Variants in UGT1A6 observed in about 807,000 individuals in gnomAD.
UGT1A6 encodes UDP glucuronosyltransferase family 1 member A6.
In UGT1A6, 32 loss-of-function variants were observed where a neutral mutation model predicts 44.4. That is an observed-to-expected ratio of 0.72 (90% CI 0.54 to 0.97). UGT1A6 has a LOEUF of 0.97. Ranked by LOEUF, UGT1A6 falls within the 50% of genes least tolerant of loss-of-function variation. The pLI, the probability that UGT1A6 is intolerant of heterozygous loss-of-function variation, is 0.00. For missense variants in UGT1A6, 685 were observed against 661.9 expected (o/e 1.03, Z -0.38); for synonymous variants, 238 against 248.5 (o/e 0.96, Z 0.40).
intron 1 of UGT1A6, chr2:233,730,090 C>G: frequency 6.3e-7 from 1 of 1,596,074 alleles, no homozygotes; most frequent in Admixed American, 1.7e-5. Flanking sequence ...ACTTATCTTT[C>G]CAAATATTTC....
intron 1 of UGT1A6, among the ~76,000 whole-genome samples, chr2:233,758,422 T>G (rs1696873705): frequency 6.6e-6 from 1 of 152,238 alleles, no homozygotes; most frequent in South Asian, 2.1e-4. Flanking sequence ...AATCTGCAAA[T>G]GAACTCACAC....
At chr2:233,696,389 A>G (rs1016787235) in intron 1 of UGT1A6, among the ~76,000 whole-genome samples, 3 of 152,108 alleles carry the variant, frequency 2.0e-5, no homozygotes, top group African/African-American at 7.2e-5. Context: ...TATTCTTTGT[A>G]CGTTTTGTAA....
Position 233,693,089 on chromosome 2 carries a change from C to CACTTTGGGGCA in UGT1A6, c.85_86insACTTTGGGGCA (p.Leu29HisfsTer18). ...TTGGGGCATGGTTGTAGGTGACAAG[C>CACTTTGGGGCA]TGCTGGTGGTCCCTCAGGACGGAAG... On this transcript the variant is annotated frameshift_variant, in exon 1 of 5. Transcript: ENST00000305139. LOFTEE classifies it high-confidence loss of function. 2 of 1,614,140 alleles carry CACTTTGGGGCA rather than the reference C, an allele frequency of 1.2e-6. No individual in the cohort carries two copies. The highest frequency in any genetic ancestry group is 1.7e-6 in the Non-Finnish European group (2 of 1,180,036).
At chr2:233,699,889 A>G (rs1435018489) in intron 1 of UGT1A6, among the ~76,000 whole-genome samples, 1 of 152,154 alleles carries the variant, frequency 6.6e-6, no homozygotes, top group Non-Finnish European at 1.5e-5. Context: ...GCAATTGGAG[A>G]GGCGAAATAG....
chr2:233,767,299 C>A (rs1479626764), intron 2 of UGT1A6, 134 bp downstream of exon 2: 17 of 1,540,620 alleles, frequency 1.1e-5, no homozygotes, highest in Non-Finnish European at 1.3e-5. Flanking sequence ...AACTATTAAT[C>A]CAAAGGTTTT....
chr2:233,732,853 A>T (rs1238557082), intron 1 of UGT1A6, among the ~76,000 whole-genome samples: 1 of 149,098 alleles, frequency 6.7e-6, no homozygotes, highest in Admixed American at 6.8e-5. Flanking sequence ...TTGTGAAGTC[A>T]TTGGTAGCTT....
intron 1 of UGT1A6, chr2:233,719,249 T>C: frequency 1.2e-6 from 2 of 1,614,200 alleles, no homozygotes; most frequent in South Asian, 2.2e-5. Flanking sequence ...ACCTGAATGC[T>C]ACTTCCTTTG....
chr2:233,755,424 C>T (rs976220166), intron 1 of UGT1A6: 1 of 319,328 alleles, frequency 3.1e-6, no homozygotes, highest in East Asian at 8.3e-5. Flanking sequence ...GTGAGCGCCT[C>T]GCATCCCAAG....
intron 4 of UGT1A6, among the ~76,000 whole-genome samples, chr2:233,768,933 G>C (rs1699758323): frequency 6.6e-6 from 1 of 151,962 alleles, no homozygotes; most frequent in South Asian, 2.1e-4. Flanking sequence ...TTTATAAAAG[G>C]ATTCTTTAGT....
At chr2:233,692,675 G>A (rs932907325), upstream of UGT1A6, among the ~76,000 whole-genome samples, 1 of 152,174 alleles carries the variant, frequency 6.6e-6, no homozygotes, top group African/African-American at 2.4e-5. Context: ...TAGAGAATTG[G>A]CAGGGGGTCC....
At chr2:233,711,679 T>C (rs1356077435) in intron 1 of UGT1A6, among the ~76,000 whole-genome samples, 1 of 152,190 alleles carries the variant, frequency 6.6e-6, no homozygotes. Context: ...CAATGTGGAT[T>C]TCTAATGGGG....
At chr2:233,739,868 G>A (rs1691228804) in intron 1 of UGT1A6, among the ~76,000 whole-genome samples, 1 of 151,904 alleles carries the variant, frequency 6.6e-6, no homozygotes. Context: ...AGAATGATAT[G>A]ATTTGACTGT....
intron 1 of UGT1A6, among the ~76,000 whole-genome samples, chr2:233,733,920 G>C (rs2078453813): frequency 1.3e-5 from 2 of 151,954 alleles, no homozygotes; most frequent in Non-Finnish European, 1.5e-5. Context: ...GAATTCGGCT[G>C]TGAGGAAGGG....
rs1203076441 is a variant in UGT1A6, at chr2:233,734,271, G to C, written c.862-32763G>C. Among the ~76,000 whole-genome samples, 2 of 152,098 alleles carry C rather than the reference G, an allele frequency of 1.3e-5. 1 individual carries two copies. The highest frequency in any genetic ancestry group is 1.3e-4 in the Admixed American group (2 of 15,272). ...GTCTTGGGAGGGTGTATGTGTCCAG[G>C]AATTTATCCATTTCTTCTAGATTTT... On this transcript the variant is annotated intron_variant, in intron 1 of 4. Coordinates refer to ENST00000305139, the MANE Select transcript of UGT1A6 (RefSeq NM_001072.4).
intron 1 of UGT1A6, chr2:233,719,336 T>C (rs765059694): frequency 5.0e-6 from 8 of 1,613,838 alleles, no homozygotes; most frequent in South Asian, 2.2e-5. Context: ...CTGTGTTTTT[T>C]TGGAGGTACA....
At position 233,698,499 on chromosome 2, in the gene UGT1A6, G is replaced by A. The variant is rs547342944; in HGVS notation, c.861+4634G>A. Among the ~76,000 whole-genome samples, 3 of 152,270 alleles carry A rather than the reference G, an allele frequency of 2.0e-5. No homozygotes were observed. In the South Asian group the frequency reaches 6.2e-4, roughly 32 times the overall value. ...AGCTTAAAAATGCAGTCCTCATTAG[G>A]CAAATCACATAATCGGCAATACATA... On this transcript the variant is annotated intron_variant, in intron 1 of 4. Transcript: ENST00000305139.
intron 1 of UGT1A6, among the ~76,000 whole-genome samples, chr2:233,695,285 C>T (rs1269928207): frequency 6.6e-6 from 1 of 152,000 alleles, no homozygotes; most frequent in Non-Finnish European, 1.5e-5. Flanking sequence ...GCCACCATTC[C>T]CAGCTAATTT....
At chr2:233,762,032 T>A (rs34562642) in intron 1 of UGT1A6, among the ~76,000 whole-genome samples, 31 of 152,346 alleles carry the variant, frequency 2.0e-4, no homozygotes, top group East Asian at 3.9e-4. Context: ...TTATTTTTTT[T>A]AATTTTCTGT....
intron 1 of UGT1A6, among the ~76,000 whole-genome samples, chr2:233,735,014 T>C (rs902605197): frequency 1.3e-5 from 2 of 152,232 alleles, no homozygotes; most frequent in Non-Finnish European, 2.9e-5. Context: ...GAGAGTTCTG[T>C]AGATGTCTAT....
Sources: allele counts gnomAD v4.1 joint callset (sites outside exome capture counted in the v4.1 genomes callset), GRCh38; gene constraint gnomAD v4.1.1; transcripts MANE v1.5; gene names NCBI Gene and HGNC (gene_info 2026-07-23, HGNC 2026-07-21).